Variants in ADGRE5 observed in about 807,000 individuals in gnomAD.
ADGRE5 encodes CD97 molecule.
Under a neutral mutation model 100.3 loss-of-function variants are expected in ADGRE5, and 72 were observed. The ratio of observed to expected loss-of-function variants is 0.72; its 90% CI spans 0.59 to 0.87. The LOEUF (loss-of-function observed/expected upper bound fraction) is 0.87. Ranked by LOEUF, ADGRE5 falls within the 40% of genes least tolerant of loss-of-function variation. The pLI is 0.00. For synonymous variants in ADGRE5, 439 were observed against 447.8 expected, an observed-to-expected ratio of 0.98 and a Z score of 0.25; for missense variants, 959 against 1,094.7, an observed-to-expected ratio of 0.88 and a Z score of 1.75.
chr19:14,393,930 G>A (rs531878325), intron 4 of ADGRE5, among the ~76,000 whole-genome samples: 65 of 152,170 alleles, frequency 4.3e-4, no homozygotes, highest in Non-Finnish European at 7.5e-4. Context: ...ACAAAAAGTG[G>A]GCTGGTTTTC....
chr19:14,397,378 G>C, intron 6 of ADGRE5, 155 bp downstream of exon 6: 16 of 1,223,756 alleles, frequency 1.3e-5, no homozygotes, highest in Non-Finnish European at 1.7e-5. Context: ...AAAGAGCAAG[G>C]GTCCTCCGGA....
At chr19:14,391,911 CA>C (rs1975614076) in intron 4 of ADGRE5, among the ~76,000 whole-genome samples, 1 of 150,302 alleles carries the variant, frequency 6.7e-6, no homozygotes, top group African/African-American at 2.5e-5. Flanking sequence ...GCCTGACCAA[CA>C]TGATGAAACC....
chr19:14,406,664 C>A lies in ADGRE5; in HGVS notation c.2049-36C>A, dbSNP rs1360179854. On this transcript the variant is annotated intron_variant, in intron 15 of 19. Transcript: ENST00000242786. This position sits in a 1 kb window ranked among gnomAD's most constrained non-coding sequence, Gnocchi z 6.0. ...CGCCCTCCGTTCCGCTCCTGGCTTC[C>A]TGGGGCACTGATGGGACCCCTCCCT... 2 of 1,611,882 alleles carry A rather than the reference C, an allele frequency of 1.2e-6. No homozygotes were observed. The highest frequency in any genetic ancestry group is 2.7e-5 in the African/African-American group (2 of 74,882).
intron 12 of ADGRE5, among the ~76,000 whole-genome samples, chr19:14,403,399 C>T (rs1976093147): frequency 1.3e-5 from 2 of 152,148 alleles, no homozygotes; most frequent in Non-Finnish European, 2.9e-5. Context: ...GTGGCCCAGG[C>T]TGGAGTGCAG....
chr19:14,405,781 C>T lies in ADGRE5; in HGVS notation c.1663C>T (p.Leu555=). Residue 555 remains leucine, a synonymous_variant, in exon 14 of 20, where the codon CTG becomes TTG. Transcript: ENST00000242786. Reference sequence around the variant, plus strand: ...GCTGACCCTGATCACCAGGGTGGGACTGGCGCTGTCACTCTTCTGCCTGCT... The same window carrying T: ...GCTGACCCTGATCACCAGGGTGGGATTGGCGCTGTCACTCTTCTGCCTGCT... The part of the protein sequence containing the change: ...WKLTLITRVG[L]ALSLFCLLLC... 6.2e-7 allele frequency: 1 copy of T among 1,613,798 alleles called. No homozygotes were observed. Among genetic ancestry groups the T allele is most frequent in the Non-Finnish European group, 8.5e-7 (1 of 1,179,916 alleles).
Position 14,389,685 on chromosome 19 carries a change from G to A in ADGRE5, c.190+867G>A, listed in dbSNP as rs559274619. Reference sequence around the variant, plus strand: ...TGGGAGGTGAATGTTGCAGTGAGCCGAGATTGCGCCACTGCACTCTGGCCT... The same window carrying A: ...TGGGAGGTGAATGTTGCAGTGAGCCAAGATTGCGCCACTGCACTCTGGCCT... On this transcript the variant is annotated intron_variant, in intron 3 of 19. Transcript: ENST00000242786. Among the ~76,000 whole-genome samples, 9 of 148,178 alleles carry A rather than the reference G, an allele frequency of 6.1e-5. No individual in the cohort carries two copies. The East Asian group carries it at 8.2e-4, about 14-fold the overall frequency.
Position 14,406,652 on chromosome 19 carries a change from G to A in ADGRE5, c.2049-48G>A, listed in dbSNP as rs770940150. The stretch of plus-strand genomic sequence containing the variant: ...ACAATGTCCGGCCGCCCTCCGTTCC[G>A]CTCCTGGCTTCCTGGGGCACTGATG... On this transcript the variant is annotated intron_variant, in intron 15 of 19. Transcript: ENST00000242786. This position sits in a 1 kb window ranked among gnomAD's most constrained non-coding sequence, Gnocchi z 6.0. 1.2e-6 allele frequency: 2 copies of A among 1,608,720 alleles called. No individual in the cohort carries two copies. The highest frequency in any genetic ancestry group is 1.1e-5 in the South Asian group (1 of 90,970).
At position 14,396,123 on chromosome 19, in the gene ADGRE5, G is replaced by T. The variant is rs1026446501; in HGVS notation, c.347-219G>T. 7.1e-6 allele frequency: 5 copies of T among 706,308 alleles called. No individual in the cohort carries two copies. In the Admixed American group the frequency reaches 1.6e-4, roughly 22 times the overall value. The allele number at this position is 706,308 out of a possible 1,614,324, so 43.8% of individuals were successfully genotyped here. On this transcript the variant is annotated intron_variant, in intron 4 of 19. Coordinates refer to ENST00000242786, the MANE Select transcript of ADGRE5 (RefSeq NM_078481.4). ...ACCCCAGCTTGGAGCTGCCCAGGAA[G>T]GCAGAGGAGAAGGGGAGGACTTGGC...
At chr19:14,403,078 T>C (rs1053006329) in intron 12 of ADGRE5, among the ~76,000 whole-genome samples, 3 of 152,238 alleles carry the variant, frequency 2.0e-5, no homozygotes, top group Admixed American at 6.5e-5. Flanking sequence ...AGTCTCACTC[T>C]GTCGTCCAGG....
chr19:14,381,465 A>T lies in ADGRE5; in HGVS notation c.-59A>T, dbSNP rs1292239401. The T allele has an allele frequency of 6.9e-6, 11 of 1,602,444 alleles. No homozygotes were observed. Among genetic ancestry groups the T allele is most frequent in the Non-Finnish European group, 9.4e-6 (11 of 1,175,168 alleles). ...CTGCACAGCTGCCTAGCCTGTGGAG[A>T]CGGGACAGCCCTGTCCCACTCACTC... is the stretch of plus-strand genomic sequence containing the variant. On this transcript the variant is annotated 5_prime_UTR_variant, in exon 1 of 20. Transcript: ENST00000242786.
chr19:14,406,928 C>A lies in ADGRE5; in HGVS notation c.2175C>A (p.Ile725=). 1 of 1,614,132 alleles carries A rather than the reference C, an allele frequency of 6.2e-7. No individual in the cohort carries two copies. Among genetic ancestry groups the A allele is most frequent in the Non-Finnish European group, 8.5e-7 (1 of 1,179,994 alleles). The change falls in exon 17 of 20, where the codon ATC becomes ATA. Residue 725 remains isoleucine, a synonymous_variant. Transcript: ENST00000242786. The surrounding 1 kb of genome is among the most constrained non-coding windows in gnomAD (Gnocchi z 6.0). ...VWKLTQKFSE[I]NPDMKKLKKA... ...AGCTCACTCAGAAGTTTTCTGAAAT[C>A]AATCCAGACATGAAGAAATTAAAGA...
In ADGRE5 at chr19:14,397,663, G is replaced by A. The variant is rs944976100; in HGVS notation, c.631G>A (p.Asp211Asn). The stretch of plus-strand genomic sequence containing the variant: ...CCCCTTCTTCCTGTCCTCAGATGTG[G>A]ACGAGTGCAGCTCCGGGCAGCATCA... The part of the protein sequence containing the change: ...GPNNTVCEDV[D>N]ECSSGQHQCD... Residue 211 changes from aspartate to asparagine, a missense_variant, in exon 7 of 20, where the codon GAC becomes AAC. By Grantham distance (23) the Asp-to-Asn change is conservative. Transcript: ENST00000242786. 2 of 1,554,574 alleles carry A rather than the reference G, an allele frequency of 1.3e-6. No individual in the cohort carries two copies. Among genetic ancestry groups the A allele is most frequent in the Admixed American group, 1.7e-5 (1 of 57,226 alleles).
rs778693810 is a variant in ADGRE5, at chr19:14,401,452, G to T, written c.964G>T (p.Val322Phe). Residue 322 changes from valine to phenylalanine, a missense_variant, in exon 10 of 20, where the codon GTC becomes TTC. Physicochemically the swap from Val to Phe is conservative, Grantham distance 50. Coordinates refer to ENST00000242786, the MANE Select transcript of ADGRE5 (RefSeq NM_078481.4). This position sits in a 1 kb window ranked among gnomAD's most constrained non-coding sequence, Gnocchi z 4.1. ...PGDVEALAPPVRHLIATQLLS... is the reference protein window; with the variant it reads ...PGDVEALAPPFRHLIATQLLS... ...AGACGTAGAGGCCCTGGCGCCACCT[G>T]TCCGGCACCTCATAGCCACCCAGCT... The T allele has an allele frequency of 6.2e-7, 1 of 1,614,150 alleles. No homozygotes were observed. The highest frequency in any genetic ancestry group is 2.2e-5 in the East Asian group (1 of 44,882).
chr19:14,398,282 G>C, intron 9 of ADGRE5, 143 bp downstream of exon 9: 1 of 699,374 alleles, frequency 1.4e-6, no homozygotes, highest in Non-Finnish European at 2.5e-6. Flanking sequence ...ACCACATACA[G>C]TATGTGCACA....
In ADGRE5 at chr19:14,407,903, G is replaced by A. The variant is rs202091781; in HGVS notation, c.2377-5G>A. The A allele has an allele frequency of 3.6e-4, 575 of 1,613,692 alleles. 3 individuals are homozygous for A. Among genetic ancestry groups the A allele is most frequent in the South Asian group, 3.3e-3 (296 of 91,032 alleles). On this transcript the variant is annotated splice_region_variant and splice_polypyrimidine_tract_variant and intron_variant, in intron 18 of 19. Coordinates refer to ENST00000242786, the MANE Select transcript of ADGRE5 (RefSeq NM_078481.4). ...CCTGCCCTGACTTGGTGTCTGGGCCGGCAGGTTCGGGAAGAATACCGGAAG... is the reference window on the plus strand; with the variant it reads ...CCTGCCCTGACTTGGTGTCTGGGCCAGCAGGTTCGGGAAGAATACCGGAAG...
At chr19:14,390,738 C>T (rs1358267486) in intron 3 of ADGRE5, among the ~76,000 whole-genome samples, 186 bp from the exon 4 acceptor site, 1 of 152,178 alleles carries the variant, frequency 6.6e-6, no homozygotes, top group Non-Finnish European at 1.5e-5. Context: ...AGCCAGAGAA[C>T]TAAGATCAAG....
chr19:14,400,973 A>G lies in ADGRE5; in HGVS notation c.898-413A>G, dbSNP rs183348706. On this transcript the variant is annotated intron_variant, in intron 9 of 19. Transcript: ENST00000242786. ...AACAAAACAAAAAAAAAATTACAAA[A>G]ATTAGCCGGGTGTGGTGGCACGCTT... 4.3e-4 allele frequency among the ~76,000 whole-genome samples: 65 copies of G among 152,230 alleles called. No individual in the cohort carries two copies. In the East Asian group the frequency reaches 8.5e-3, roughly 20 times the overall value.
intron 3 of ADGRE5, among the ~76,000 whole-genome samples, chr19:14,390,389 T>A (rs1975558616): frequency 6.7e-6 from 1 of 149,628 alleles, no homozygotes; most frequent in Non-Finnish European, 1.5e-5. Flanking sequence ...AGTGACCCGA[T>A]CTCGGCTCAC....
chr19:14,384,439 C>T (rs1175425297), intron 1 of ADGRE5, among the ~76,000 whole-genome samples: 2 of 152,280 alleles, frequency 1.3e-5, no homozygotes, highest in African/African-American at 4.8e-5. Flanking sequence ...GTCATTCCTT[C>T]CCTTAGGCCC....
Sources: gnomAD v4.1 joint callset for allele counts (sites outside exome capture counted in the v4.1 genomes callset) on GRCh38, gnomAD v4.1.1 for gene constraint, Gnocchi (gnomAD v3.1) non-coding constraint, MANE v1.5 for transcripts, NCBI Gene and HGNC (gene_info 2026-07-23, HGNC 2026-07-21) for gene names.